The following TOX4 variants were observed in gnomAD, a reference collection of about 807,000 sequenced individuals.
TOX4 encodes the protein epidermal Langerhans cell protein LCP1.
TOX4 carries 12 observed loss-of-function variants against 61.0 expected under a neutral mutation model. The ratio of observed to expected loss-of-function variants is 0.20; its 90% CI spans 0.13 to 0.32. The LOEUF (loss-of-function observed/expected upper bound fraction) is 0.32. Among genes scored for constraint, TOX4 ranks in the 10% least tolerant of loss-of-function variants. The pLI is 1.00. For synonymous variants in TOX4, 268 were observed against 274.8 expected, an observed-to-expected ratio of 0.98 and a Z score of 0.24; for missense variants, 499 against 753.3, an observed-to-expected ratio of 0.66 and a Z score of 3.95.
chr14:21,492,849 G>A lies in TOX4; in HGVS notation c.1233G>A (p.Gln411=), dbSNP rs535434563. 1.2e-6 allele frequency: 2 copies of A among 1,613,760 alleles called. No individual in the cohort carries two copies. Among genetic ancestry groups the A allele is most frequent in the East Asian group, 4.5e-5 (2 of 44,860 alleles). The change falls in exon 7 of 9, where the codon CAG becomes CAA. Residue 411 remains glutamine (Q), a synonymous_variant. Transcript: ENST00000448790. ...QLGQTSTATI[Q]PSQQAQIVTR... ...GCCAAACCAGTACAGCTACTATCCA[G>A]CCCAGTCAACAAGCCCAGATTGTCA...
chr14:21,477,596 G>C (rs768905148), intron 2 of TOX4, 32 bp downstream of exon 2: 2 of 1,611,884 alleles, frequency 1.2e-6, no homozygotes, highest in South Asian at 2.2e-5. Flanking sequence ...CGCGGGGGTA[G>C]GGCCTGAGGC....
In TOX4 at chr14:21,488,763, A is replaced by C; in HGVS notation, c.492A>C (p.Pro164=). ...GCCTAGGGGGTGGCACCATCCTGCC[A>C]CCTGCCCAGTCACCTGAAGATCGTC... ...GLSLGGGTIL[P]PAQSPEDRLS... The change falls in exon 4 of 9, where the codon CCA becomes CCC. Residue 164 remains proline (P), a synonymous_variant. Transcript: ENST00000448790. 6.2e-7 allele frequency: 1 copy of C among 1,614,156 alleles called. No individual in the cohort carries two copies. The highest frequency in any genetic ancestry group is 8.5e-7 in the Non-Finnish European group (1 of 1,180,022).
chr14:21,489,535 C>A, intron 5 of TOX4, 132 bp downstream of exon 5: 1 of 824,702 alleles, frequency 1.2e-6, no homozygotes, highest in South Asian at 1.9e-5. Context: ...AATATCATCC[C>A]TTGTCTTCGA....
At chr14:21,490,415 C>A (rs527936959) in intron 5 of TOX4, among the ~76,000 whole-genome samples, 2 of 152,058 alleles carry the variant, frequency 1.3e-5, no homozygotes, top group East Asian at 3.9e-4. Context: ...GCAGAGGTTG[C>A]GGTGAGCCGA....
In TOX4 at chr14:21,494,653, G is replaced by A. The variant is rs190313476; in HGVS notation, c.1642-576G>A. ...TAGTCCCAGCTACTCTGGAGGCTGA[G>A]GCAGGAGAATGGCGGGAACCCAGGA... is the stretch of plus-strand genomic sequence containing the variant. On this transcript the variant is annotated intron_variant, in intron 7 of 8. Coordinates refer to ENST00000448790, the MANE Select transcript of TOX4 (RefSeq NM_014828.4). Among the ~76,000 whole-genome samples, 36 of 152,162 alleles carry A rather than the reference G, an allele frequency of 2.4e-4. 1 individual carries two copies. The East Asian group carries it at 5.2e-3, about 22-fold the overall frequency.
chr14:21,494,069 A>G (rs999392133), intron 7 of TOX4, among the ~76,000 whole-genome samples: 2 of 152,168 alleles, frequency 1.3e-5, no homozygotes, highest in Admixed American at 6.5e-5. Flanking sequence ...AGTGAGATAC[A>G]TTAAGACAGT....
chr14:21,480,205 A>G (rs1163732023), intron 2 of TOX4, among the ~76,000 whole-genome samples: 1 of 152,202 alleles, frequency 6.6e-6, no homozygotes, highest in Non-Finnish European at 1.5e-5. Context: ...AAGTAAATTT[A>G]AAGTATTAAC....
chr14:21,477,642 ACT>A (rs756728418), intron 2 of TOX4, 78 bp downstream of exon 2: 46 of 1,506,374 alleles, frequency 3.1e-5, no homozygotes, highest in Non-Finnish European at 3.9e-5. Context: ...GAGAGCACGG[ACT>A]CCGGGGACGG....
intron 2 of TOX4, chr14:21,482,455 T>C: frequency 2.4e-6 from 1 of 414,930 alleles, no homozygotes; most frequent in East Asian, 7.4e-5. Flanking sequence ...TGTTTTGGGA[T>C]CAGAGAATGA....
intron 7 of TOX4, among the ~76,000 whole-genome samples, chr14:21,494,927 A>C (rs558905973): frequency 3.3e-5 from 5 of 152,088 alleles, no homozygotes; most frequent in Admixed American, 2.0e-4. Flanking sequence ...TCAAAAAAAA[A>C]CAAAAAACAC....
chr14:21,487,570 T>C lies in TOX4; in HGVS notation c.195T>C (p.Pro65=). 2 of 1,614,226 alleles carry C rather than the reference T, an allele frequency of 1.2e-6. No homozygotes were observed. The highest frequency in any genetic ancestry group is 1.7e-6 in the Non-Finnish European group (2 of 1,180,044). Residue 65 remains proline (P), a synonymous_variant, in exon 3 of 9, where the codon CCT becomes CCC. Coordinates refer to ENST00000448790, the MANE Select transcript of TOX4 (RefSeq NM_014828.4). ...GCCACTTTGATGACCTGGCAGACCCTTCCTCTTCACAGGATGGCAGTTTTT... is the reference window on the plus strand; with the variant it reads ...GCCACTTTGATGACCTGGCAGACCCCTCCTCTTCACAGGATGGCAGTTTTT... ...VVGHFDDLAD[P]SSSQDGSFSA...
In TOX4 at chr14:21,477,635, A is replaced by AG. The variant is rs753412669; in HGVS notation, c.75+72dup. ...GGTGGGGTAGGGTAGTGGGGAGGAG[A>AG]GCACGGACTCCGGGGACGGGGGCTG... is the stretch of plus-strand genomic sequence containing the variant. On this transcript the variant is annotated intron_variant, in intron 2 of 8. Coordinates refer to ENST00000448790, the MANE Select transcript of TOX4 (RefSeq NM_014828.4). The AG allele has an allele frequency of 3.2e-6, 5 of 1,538,944 alleles. No homozygotes were observed. In the South Asian group the frequency reaches 5.6e-5, roughly 17 times the overall value.
Position 21,496,615 on chromosome 14 carries a change from G to A in TOX4, c.*9G>A. 1.2e-6 allele frequency: 2 copies of A among 1,609,516 alleles called. No homozygotes were observed. The highest frequency in any genetic ancestry group is 1.7e-5 in the Admixed American group (1 of 59,980). ...TGGTGTTTGTGAAATAGTCCTTCCT[G>A]TTCTCCAAGCCAGTGAAGAGTTATC... On this transcript the variant is annotated 3_prime_UTR_variant, in exon 9 of 9. Coordinates refer to ENST00000448790, the MANE Select transcript of TOX4 (RefSeq NM_014828.4).
chr14:21,495,905 A>G (rs570115274), intron 8 of TOX4: 2 of 153,140 alleles, frequency 1.3e-5, no homozygotes, highest in Admixed American at 1.3e-4. Flanking sequence ...CATTGCCTCT[A>G]CTTCTGACTT....
chr14:21,480,230 TAAAA>T (rs1891085234), intron 2 of TOX4, among the ~76,000 whole-genome samples: 1 of 147,474 alleles, frequency 6.8e-6, no homozygotes, highest in African/African-American at 2.4e-5. Flanking sequence ...AATATTATAA[TAAAA>T]AAGAAAGAAA....
Position 21,493,098 on chromosome 14 carries a change from G to A in TOX4, c.1482G>A (p.Lys494=). 3 of 1,614,136 alleles carry A rather than the reference G, an allele frequency of 1.9e-6. No individual in the cohort carries two copies. Among genetic ancestry groups the A allele is most frequent in the East Asian group, 2.2e-5 (1 of 44,878 alleles). Residue 494 remains lysine, a synonymous_variant, in exon 7 of 9, where the codon AAG becomes AAA. Coordinates refer to ENST00000448790, the MANE Select transcript of TOX4 (RefSeq NM_014828.4). The part of the protein sequence containing the change: ...LQQQPPPLQI[K]SVPLPTLKMQ... ...AACAGCCTCCTCCTCTGCAGATCAAGAGTGTGCCTCTACCCACTTTGAAAA... is the reference window on the plus strand; with the variant it reads ...AACAGCCTCCTCCTCTGCAGATCAAAAGTGTGCCTCTACCCACTTTGAAAA...
At chr14:21,481,810 C>G (rs1229471498) in intron 2 of TOX4, among the ~76,000 whole-genome samples, 1 of 152,034 alleles carries the variant, frequency 6.6e-6, no homozygotes, top group Non-Finnish European at 1.5e-5. Flanking sequence ...TAGAAAAAGA[C>G]AGACATAAAA....
In TOX4 at chr14:21,492,750, T is replaced by C. The variant is rs2139629758; in HGVS notation, c.1134T>C (p.Ser378=). Residue 378 remains serine (S), a synonymous_variant, in exon 7 of 9, where the codon TCT becomes TCC. Transcript: ENST00000448790. The stretch of plus-strand genomic sequence containing the variant: ...TTACCAAACAAATGTTGCCCTCTTC[T>C]ATTACTATGTCTCAAGGAGGGATGG... ...LIITKQMLPS[S]ITMSQGGMVT... is the part of the protein sequence containing the mutation. The C allele has an allele frequency of 1.2e-6, 2 of 1,614,134 alleles. No individual in the cohort carries two copies. The highest frequency in any genetic ancestry group is 1.7e-6 in the Non-Finnish European group (2 of 1,180,016).
At chr14:21,488,938 C>T (rs1016058711) in intron 4 of TOX4, 88 bp downstream of exon 4, 2 of 1,540,002 alleles carry the variant, frequency 1.3e-6, no homozygotes, top group Non-Finnish European at 1.8e-6. Flanking sequence ...ATTCTTTACC[C>T]TTGCCGTGCC....
Sources: gnomAD v4.1 joint callset for allele counts (sites outside exome capture counted in the v4.1 genomes callset) on GRCh38, gnomAD v4.1.1 for gene constraint, MANE v1.5 for transcripts, NCBI Gene and HGNC (gene_info 2026-07-23, HGNC 2026-07-21) for gene names.